Variants in MPRIP observed in about 807,000 individuals in gnomAD.
MPRIP encodes myosin phosphatase Rho-interacting protein.
MPRIP carries 59 observed loss-of-function variants against 234.9 expected under a neutral mutation model. That is an observed-to-expected ratio of 0.25 (90% confidence interval 0.20 to 0.31). MPRIP has a LOEUF of 0.31. Ranked by LOEUF, MPRIP falls within the 10% of genes least tolerant of loss-of-function variation. MPRIP has a pLI of 1.00. For synonymous variants in MPRIP, 1,144 were observed against 1,263.9 expected (o/e 0.91, Z 2.01); for missense variants, 2,436 against 3,071.0 (o/e 0.79, Z 4.89).
At chr17:17,130,507 T>C (rs2090576168) in intron 4 of MPRIP, among the ~76,000 whole-genome samples, 1 of 150,694 alleles carries the variant, frequency 6.6e-6, no homozygotes, top group African/African-American at 2.4e-5. Flanking sequence ...CGAGCCCTTC[T>C]CCTGCCCCAG....
In MPRIP at chr17:17,066,723, C is replaced by CTTTTTTTTTTTTT. The variant is rs34804730; in HGVS notation, c.124-8953_124-8941dup. Among the ~76,000 whole-genome samples, 7 of 36,686 alleles carry CTTTTTTTTTTTTT rather than the reference C, an allele frequency of 1.9e-4. 2 individuals carry two copies. The highest frequency in any genetic ancestry group is 1.3e-3 in the South Asian group (1 of 760). The allele number at this position is 36,686 out of a possible 152,430, so 24.1% of individuals were successfully genotyped here. A position where few individuals can be genotyped will look rare whatever the true frequency, so the allele number is the denominator to read the frequency against. On this transcript the variant is annotated intron_variant, in intron 1 of 23. Transcript: ENST00000651222. ...TCAAACCCACAGATACTTTTTTCAT[C>CTTTTTTTTTTTTT]TTTTTTTTTTTTTTTTTTTTTTTTT...
chr17:17,130,270 C>T (rs2090569847), intron 4 of MPRIP, among the ~76,000 whole-genome samples: 1 of 152,106 alleles, frequency 6.6e-6, no homozygotes, highest in Non-Finnish European at 1.5e-5. Context: ...AACAGCACAC[C>T]CATCCTGAGG....
At chr17:17,079,172 A>G (rs2089405206) in intron 3 of MPRIP, among the ~76,000 whole-genome samples, 1 of 152,096 alleles carries the variant, frequency 6.6e-6, no homozygotes, top group Admixed American at 6.5e-5. Flanking sequence ...TTGTGATGTG[A>G]TATGTTTTCT....
intron 9 of MPRIP, 82 bp downstream of exon 9, chr17:17,143,751 C>T (rs1374289656): frequency 8.0e-6 from 7 of 876,338 alleles, no homozygotes; most frequent in Admixed American, 2.8e-5. Flanking sequence ...TCTGTCTATG[C>T]GTCCATGCCA....
In MPRIP at chr17:17,126,788, C is replaced by T. The variant is rs762619703; in HGVS notation, c.354C>T (p.Ser118=). Reference sequence around the variant, plus strand: ...AGGGCCGCACGGGCCAGAAGTTCTCCCTGTGTATTCTGACGCCTGAGAAGG... The same window carrying T: ...AGGGCCGCACGGGCCAGAAGTTCTCTCTGTGTATTCTGACGCCTGAGAAGG... ...DGEGRTGQKF[S]LCILTPEKEH... is the part of the protein sequence containing the mutation. The change falls in exon 4 of 24, where the codon TCC becomes TCT. Residue 118 remains serine (S), a synonymous_variant. Coordinates refer to ENST00000651222, the MANE Select transcript of MPRIP (RefSeq NM_001364716.4). 1.9e-6 allele frequency: 3 copies of T among 1,614,216 alleles called. No homozygotes were observed. Among genetic ancestry groups the T allele is most frequent in the Non-Finnish European group, 2.5e-6 (3 of 1,180,026 alleles).
intron 14 of MPRIP, among the ~76,000 whole-genome samples, chr17:17,160,638 G>T (rs1026573369): frequency 1.3e-5 from 2 of 152,236 alleles, no homozygotes; most frequent in African/African-American, 4.8e-5. Flanking sequence ...CTTGTTTGAG[G>T]GAACTGCGGG....
At chr17:17,173,700 A>G in intron 18 of MPRIP, 6 of 688,616 alleles carry the variant, frequency 8.7e-6, no homozygotes, top group South Asian at 6.1e-5. Context: ...GAGAAGTGCT[A>G]GCTGTAGGAC....
At chr17:17,137,230 G>A (rs1178109131) in intron 6 of MPRIP, among the ~76,000 whole-genome samples, 2 of 152,136 alleles carry the variant, frequency 1.3e-5, no homozygotes, top group Non-Finnish European at 2.9e-5. Context: ...AAAGACTGAA[G>A]GGGCCGGGCA....
intron 2 of MPRIP, among the ~76,000 whole-genome samples, chr17:17,076,825 A>G (rs985363888): frequency 3.3e-5 from 5 of 151,980 alleles, no homozygotes; most frequent in Non-Finnish European, 5.9e-5. Context: ...AGCCTCTGAC[A>G]GGAGTCTTTT....
chr17:17,174,091 G>C lies in MPRIP; in HGVS notation c.6750+16G>C, dbSNP rs1468831248. 1 of 1,612,120 alleles carries C rather than the reference G, an allele frequency of 6.2e-7. No individual in the cohort carries two copies. Among genetic ancestry groups the C allele is most frequent in the Non-Finnish European group, 8.5e-7 (1 of 1,179,288 alleles). On this transcript the variant is annotated intron_variant, in intron 19 of 23. Transcript: ENST00000651222. ...CCACAACCAGGTGAGCCTGCAGCCAGGTGAGCCCAAGGTTAGTCAGGGGCA... is the reference window on the plus strand; with the variant it reads ...CCACAACCAGGTGAGCCTGCAGCCACGTGAGCCCAAGGTTAGTCAGGGGCA...
chr17:17,129,037 C>T (rs537532552), intron 4 of MPRIP, among the ~76,000 whole-genome samples: 2 of 152,182 alleles, frequency 1.3e-5, no homozygotes, highest in East Asian at 1.9e-4. Flanking sequence ...GGGGACAGTC[C>T]CACCCAGTCT....
chr17:17,099,845 G>C (rs761455317), intron 3 of MPRIP, among the ~76,000 whole-genome samples: 1 of 152,210 alleles, frequency 6.6e-6, no homozygotes, highest in Non-Finnish European at 1.5e-5. Flanking sequence ...GCTGTCCCAA[G>C]TGTTTTTCCC....
At chr17:17,053,420 G>A (rs1482113684) in intron 1 of MPRIP, among the ~76,000 whole-genome samples, 1 of 152,134 alleles carries the variant, frequency 6.6e-6, no homozygotes, top group Non-Finnish European at 1.5e-5. Flanking sequence ...TGTGGCAAGG[G>A]CAGAGTTTGT....
At chr17:17,126,638 G>A (rs1597849408) in intron 3 of MPRIP, 64 bp from the exon 4 acceptor site, 1 of 1,545,810 alleles carries the variant, frequency 6.5e-7, no homozygotes, top group African/African-American at 1.4e-5. Flanking sequence ...AATGGCCTGG[G>A]GCTGTACGAC....
intron 9 of MPRIP, 94 bp downstream of exon 9, chr17:17,143,763 C>A: frequency 1.3e-6 from 1 of 749,974 alleles, no homozygotes; most frequent in Admixed American, 3.1e-5. Context: ...TCCATGCCAG[C>A]TGTCCCTCTG....
At chr17:17,147,290 C>A (rs758709846) in intron 10 of MPRIP, 29 bp from the exon 11 acceptor site, 2 of 1,609,360 alleles carry the variant, frequency 1.2e-6, no homozygotes, top group South Asian at 1.1e-5. Context: ...AGTTGGTAGT[C>A]GAGTCATTTT....
At chr17:17,178,290 A>G (rs1445339420) in intron 22 of MPRIP, 4 of 152,226 alleles carry the variant, frequency 2.6e-5, no homozygotes, top group Non-Finnish European at 4.4e-5. Flanking sequence ...ACAGGAAAAG[A>G]TGTGCTAGCT....
At chr17:17,082,392 T>C (rs1356175203) in intron 3 of MPRIP, among the ~76,000 whole-genome samples, 1 of 139,090 alleles carries the variant, frequency 7.2e-6, no homozygotes, top group Non-Finnish European at 1.5e-5. Flanking sequence ...GACTCCCAGG[T>C]TCAAACCATT....
At chr17:17,135,025 G>T (rs562963433) in intron 5 of MPRIP, among the ~76,000 whole-genome samples, 3 of 152,266 alleles carry the variant, frequency 2.0e-5, no homozygotes, top group Non-Finnish European at 4.4e-5. Context: ...TGGGAAGTGG[G>T]CACTTGTATA....
Sources: allele counts gnomAD v4.1 joint callset (sites outside exome capture counted in the v4.1 genomes callset), GRCh38; gene constraint gnomAD v4.1.1; transcripts MANE v1.5; gene names NCBI Gene and HGNC (gene_info 2026-07-23, HGNC 2026-07-21).